PDXDC1: variants seen among roughly 807,000 people sequenced by gnomAD.
PDXDC1 encodes the protein pyridoxal dependent decarboxylase domain containing 1, also known as pyridoxal-dependent decarboxylase domain-containing protein 1.
In PDXDC1, 42 loss-of-function variants were observed where a neutral mutation model predicts 100.1. The ratio of observed to expected loss-of-function variants is 0.42; its 90% CI spans 0.33 to 0.54. PDXDC1 has a LOEUF of 0.54. PDXDC1 is among the 20% of genes least tolerant of loss of function. The probability of loss-of-function intolerance (pLI) is 0.10; values close to 1 mark genes in which losing one functional copy is unlikely to be tolerated. For synonymous variants in PDXDC1, 260 were observed against 371.7 expected, an observed-to-expected ratio of 0.70 and a Z score of 3.46; for missense variants, 636 against 979.2, an observed-to-expected ratio of 0.65 and a Z score of 4.68.
rs2043452293 is a variant in PDXDC1 at position 15,036,333 on chromosome 16, A to T, written c.*58A>T. 2 of 1,458,224 alleles carry T rather than the reference A, an allele frequency of 1.4e-6. No homozygotes were observed. Among genetic ancestry groups the T allele is most frequent in the African/African-American group, 2.8e-5 (2 of 70,866 alleles). 90.3% of individuals were successfully genotyped at this position (1,458,224 alleles called of 1,614,324 possible). ...ATTGTTTCAGGGAAGATGAAGTTCT[A>T]TTGGAAATGTGAACTGTGCCACATA... On this transcript the variant is annotated 3_prime_UTR_variant, in exon 23 of 23. Coordinates refer to ENST00000396410, the MANE Select transcript of PDXDC1 (RefSeq NM_015027.4).
chr16:15,082,081 T>G (rs1048788086), intron 16 of PDXDC1, among the ~76,000 whole-genome samples: 1 of 152,198 alleles, frequency 6.6e-6, no homozygotes, highest in Non-Finnish European at 1.5e-5. Flanking sequence ...TTCCTTTCCA[T>G]CTGGATGCTT....
At chr16:15,147,555 T>G in the PDXDC1 span, among the ~76,000 whole-genome samples, 2 of 152,126 alleles carry the variant, frequency 1.3e-5, no homozygotes, top group South Asian at 2.1e-4. Context: ...GAGACAGAGT[T>G]TCACTCTGTC....
At chr16:15,028,192 G>A (rs1188102438) in intron 14 of PDXDC1, among the ~76,000 whole-genome samples, 4 of 152,280 alleles carry the variant, frequency 2.6e-5, no homozygotes, top group African/African-American at 9.6e-5. Context: ...TCTTCTCCGC[G>A]CTCCAGAACA....
chr16:15,096,190 C>T (rs2046351107), intron 16 of PDXDC1, among the ~76,000 whole-genome samples: 1 of 151,894 alleles, frequency 6.6e-6, no homozygotes, highest in African/African-American at 2.4e-5. Context: ...CTCACTGCAT[C>T]CTCTGCTTCC....
In PDXDC1 at chr16:15,116,173, T is replaced by G. The variant is rs1452266758; in HGVS notation, c.1400-22706T>G. Among the ~76,000 whole-genome samples, 43 of 7,900 alleles carry G rather than the reference T, an allele frequency of 5.4e-3. 1 individual carries two copies. The highest frequency in any genetic ancestry group is 0.015 in the African/African-American group (38 of 2,454). 5.2% of individuals were successfully genotyped at this position (7,900 alleles called of 152,430 possible). A position where few individuals can be genotyped will look rare whatever the true frequency, so the allele number is the denominator to read the frequency against. On this transcript the variant is annotated intron_variant, in intron 16 of 16. Transcript: ENST00000535621. ...ACTTCATTCACAAATAAGTATCGAATTTTAGTGCTTAAAAATTAACAAGGT... is the reference window on the plus strand; with the variant it reads ...ACTTCATTCACAAATAAGTATCGAAGTTTAGTGCTTAAAAATTAACAAGGT...
At position 15,049,510 on chromosome 16, in the gene PDXDC1, T is replaced by C. The variant is rs188047843; in HGVS notation, c.1399+19454T>C. ...GTGGCGTGATCTCAGTTCACTGCAA[T>C]CTCCACCTCCCAGGTTCAAGCGATT... On this transcript the variant is annotated intron_variant, in intron 16 of 16. Coordinates refer to the PDXDC1 transcript ENST00000535621. Among the ~76,000 whole-genome samples the C allele has an allele frequency of 2.3e-3, 347 of 151,806 alleles. 3 individuals carry two copies. The highest frequency in any genetic ancestry group is 7.9e-3 in the African/African-American group (327 of 41,430).
At chr16:15,081,935 G>T (rs925810146) in intron 16 of PDXDC1, among the ~76,000 whole-genome samples, 1 of 152,054 alleles carries the variant, frequency 6.6e-6, no homozygotes, top group African/African-American at 2.4e-5. Context: ...CAATTGTCTT[G>T]AACAACTGGT....
chr16:15,058,060 C>G (rs2044587921), intron 16 of PDXDC1, among the ~76,000 whole-genome samples: 1 of 152,152 alleles, frequency 6.6e-6, no homozygotes. Context: ...GCCTGTAACC[C>G]CAGCACTTTG....
At chr16:15,151,863 G>A in the PDXDC1 span, among the ~76,000 whole-genome samples, 1 of 135,278 alleles carries the variant, frequency 7.4e-6, no homozygotes, top group Non-Finnish European at 1.7e-5. Context: ...CCCAGGAGGC[G>A]GAGGTTGCCA....
intron 1 of PDXDC1, among the ~76,000 whole-genome samples, chr16:14,980,390 G>A (rs1336650909): frequency 2.0e-5 from 3 of 152,274 alleles, no homozygotes; most frequent in African/African-American, 7.2e-5. Flanking sequence ...CTGCCCCACT[G>A]CAACCTCTGC....
chr16:15,149,655 G>C, the PDXDC1 span, among the ~76,000 whole-genome samples: 1 of 152,210 alleles, frequency 6.6e-6, no homozygotes, highest in Non-Finnish European at 1.5e-5. Context: ...CAAGGCCCTG[G>C]GTGCTCCTAT....
At chr16:15,146,646 G>T in the PDXDC1 span, among the ~76,000 whole-genome samples, 1 of 152,128 alleles carries the variant, frequency 6.6e-6, no homozygotes, top group Non-Finnish European at 1.5e-5. Flanking sequence ...ACCCGCCCAG[G>T]CTGCACTGGC....
chr16:15,034,422 G>T (rs1281596996), intron 20 of PDXDC1, 35 bp from the exon 21 acceptor site: 1 of 1,613,074 alleles, frequency 6.2e-7, no homozygotes, highest in Admixed American at 1.7e-5. Context: ...CCGCCGTGAG[G>T]CCAGGTGGCC....
rs1339050498 is a variant in PDXDC1 at position 15,021,819 on chromosome 16, T to TC, written c.1090-884dup. On this transcript the variant is annotated intron_variant, in intron 12 of 22. Transcript: ENST00000396410. The stretch of plus-strand genomic sequence containing the variant: ...AGAGCGTAAATCAGCATTCGCCTCC[T>TC]CATCCTCCTCTTCCTTCTCTTCTCC... Among the ~76,000 whole-genome samples, 4 of 152,422 alleles carry TC rather than the reference T, an allele frequency of 2.6e-5. No individual in the cohort carries two copies. In the South Asian group the frequency reaches 8.3e-4, roughly 32 times the overall value.
chr16:15,030,701 AG>A (rs1326615275), intron 16 of PDXDC1, among the ~76,000 whole-genome samples: 1 of 151,004 alleles, frequency 6.6e-6, no homozygotes, highest in Non-Finnish European at 1.5e-5. Flanking sequence ...TTCCCACCTC[AG>A]CCCCCGAGGA....
intron 16 of PDXDC1, among the ~76,000 whole-genome samples, chr16:15,093,778 A>G (rs1324928602): frequency 1.3e-5 from 2 of 152,196 alleles, no homozygotes; most frequent in Admixed American, 6.5e-5. Context: ...TCAATTTGCC[A>G]TGAGTGACGA....
chr16:15,122,337 A>T (rs1364867961), intron 16 of PDXDC1, among the ~76,000 whole-genome samples: 1 of 146,720 alleles, frequency 6.8e-6, no homozygotes, highest in African/African-American at 2.5e-5. Context: ...CAGCCTCTCC[A>T]GTAACTGGGA....
chr16:15,088,375 G>A (rs2045990054), intron 16 of PDXDC1, among the ~76,000 whole-genome samples: 1 of 152,070 alleles, frequency 6.6e-6, no homozygotes, highest in Non-Finnish European at 1.5e-5. Flanking sequence ...CCTGAGGTGG[G>A]AAGATTGCTT....
Position 15,027,511 on chromosome 16 carries a change from A to G in PDXDC1, c.1204+805A>G, listed in dbSNP as rs964123452. On this transcript the variant is annotated intron_variant, in intron 14 of 22. Transcript: ENST00000396410. ...GTATCCCAGGTTCTTGTCTTGGTGT[A>G]CCGGAAGAATGGGATCACATGTGGG... Among the ~76,000 whole-genome samples, 8 of 152,400 alleles carry G rather than the reference A, an allele frequency of 5.2e-5. No individual in the cohort carries two copies. The East Asian group carries it at 1.2e-3, about 22-fold the overall frequency.
Sources: allele counts gnomAD v4.1 joint callset (sites outside exome capture counted in the v4.1 genomes callset), GRCh38; gene constraint gnomAD v4.1.1; transcripts MANE v1.5; gene names NCBI Gene and HGNC (gene_info 2026-07-23, HGNC 2026-07-21).